The following STAM variants were observed in gnomAD, a reference collection of about 807,000 sequenced individuals.
The protein encoded by STAM is signal transducing adaptor molecule.
STAM carries 16 observed loss-of-function variants against 63.4 expected under a neutral mutation model. That is an observed-to-expected ratio of 0.25 (90% CI 0.17 to 0.38). The LOEUF (loss-of-function observed/expected upper bound fraction) is 0.38, where lower values mean the gene tolerates loss of function less well. Among genes scored for constraint, STAM ranks in the 10% least tolerant of loss-of-function variants. The pLI is 1.00. For missense variants in STAM, 636 were observed against 657.1 expected (o/e 0.97, Z 0.35); for synonymous variants, 238 against 223.9 (o/e 1.06, Z -0.56).
intron 1 of STAM, among the ~76,000 whole-genome samples, chr10:17,645,904 A>G (rs1178668652): frequency 1.3e-5 from 2 of 152,164 alleles, no homozygotes; most frequent in East Asian, 3.8e-4. Context: ...ACCTTTGTCT[A>G]GTTTTCTTGG....
chr10:17,692,193 A>G (rs1835568670), intron 5 of STAM, among the ~76,000 whole-genome samples: 1 of 152,114 alleles, frequency 6.6e-6, no homozygotes, highest in African/African-American at 2.4e-5. Flanking sequence ...TAGATCTGGG[A>G]TTTGAACTCA....
intron 2 of STAM, among the ~76,000 whole-genome samples, chr10:17,669,119 G>A (rs1480215907): frequency 3.9e-5 from 6 of 152,158 alleles, no homozygotes; most frequent in African/African-American, 1.4e-4. Context: ...GCAGTATGAA[G>A]TATGGTTCTA....
At chr10:17,691,532 A>AAATG (rs1835536358) in intron 5 of STAM, among the ~76,000 whole-genome samples, 1 of 152,148 alleles carries the variant, frequency 6.6e-6, no homozygotes, top group African/African-American at 2.4e-5. Context: ...ATAAATAAAT[A>AAATG]AATGCCTGTG....
intron 7 of STAM, among the ~76,000 whole-genome samples, chr10:17,695,489 G>A (rs1424691817): frequency 6.6e-6 from 1 of 151,908 alleles, no homozygotes; most frequent in Non-Finnish European, 1.5e-5. Context: ...TTCATTTTCG[G>A]TTCCACCTAA....
chr10:17,660,491 C>T lies in STAM; in HGVS notation c.68C>T (p.Ala23Val). Residue 23 changes from alanine (A) to valine (V), a missense_variant, in exon 2 of 14, where the codon GCT becomes GTT. Around this residue, in one of 3 missense-constraint regions of STAM, gnomAD observed 87 missense variants for 80.3 expected, o/e 1.08. Transcript: ENST00000377524. The part of the protein sequence containing the change: ...VEKATSEMNT[A>V]EDWGLILDIC... ...AAAGCAACCAGCGAGATGAATACTGCTGAGGACTGGGGCCTCATTTTGGAT... is the reference window on the plus strand; with the variant it reads ...AAAGCAACCAGCGAGATGAATACTGTTGAGGACTGGGGCCTCATTTTGGAT... The T allele has an allele frequency of 1.2e-6, 2 of 1,606,878 alleles. No homozygotes were observed. Among genetic ancestry groups the T allele is most frequent in the Non-Finnish European group, 8.5e-7 (1 of 1,176,486 alleles).
chr10:17,705,398 A>G (rs1173731706), intron 11 of STAM, among the ~76,000 whole-genome samples, 190 bp from the exon 12 acceptor site: 1 of 152,222 alleles, frequency 6.6e-6, no homozygotes, highest in Non-Finnish European at 1.5e-5. Flanking sequence ...CCCTTAGCAC[A>G]GCACGTAAAC....
intron 2 of STAM, among the ~76,000 whole-genome samples, chr10:17,672,391 A>G (rs10904986): frequency 0.16 from 24,410 of 152,158 alleles, 2,110 homozygotes; most frequent in East Asian, 0.27. Context: ...TGACTGTAGA[A>G]TTGAGCTGTA....
At chr10:17,677,644 A>T (rs1411067544) in intron 2 of STAM, among the ~76,000 whole-genome samples, 1 of 152,226 alleles carries the variant, frequency 6.6e-6, no homozygotes, top group Non-Finnish European at 1.5e-5. Flanking sequence ...CAAAAATTTT[A>T]ATCTCTTACA....
At chr10:17,690,149 T>A (rs1300113678) in intron 5 of STAM, among the ~76,000 whole-genome samples, 4 of 152,218 alleles carry the variant, frequency 2.6e-5, no homozygotes, top group Admixed American at 2.0e-4. Context: ...CAGCTCATAG[T>A]TGACAGCTGG....
chr10:17,647,353 A>C (rs1438878007), intron 1 of STAM, among the ~76,000 whole-genome samples: 3 of 152,040 alleles, frequency 2.0e-5, no homozygotes, highest in African/African-American at 4.8e-5. Context: ...TTCCTCTTTG[A>C]TATACAGTAT....
intron 9 of STAM, among the ~76,000 whole-genome samples, chr10:17,703,151 GA>G (rs1456936341): frequency 6.6e-6 from 1 of 151,884 alleles, no homozygotes; most frequent in Non-Finnish European, 1.5e-5. Flanking sequence ...AAACAAAACG[GA>G]AACCATCTGT....
intron 4 of STAM, among the ~76,000 whole-genome samples, 163 bp from the exon 5 acceptor site, chr10:17,687,864 T>G (rs1377778204): frequency 2.6e-5 from 4 of 152,264 alleles, no homozygotes; most frequent in Admixed American, 2.0e-4. Context: ...TTTTTCATAG[T>G]GTGAACATTA....
intron 13 of STAM, among the ~76,000 whole-genome samples, chr10:17,714,055 T>C (rs1554830377): frequency 1.3e-5 from 2 of 152,224 alleles, no homozygotes; most frequent in Non-Finnish European, 2.9e-5. Flanking sequence ...TCTGTTTACC[T>C]GAAATGTACT....
rs185729830 is a variant in STAM, at chr10:17,716,109, C to T, written c.*1329C>T. On this transcript the variant is annotated 3_prime_UTR_variant, in exon 14 of 14. Transcript: ENST00000377524. ...CTGACATTGTAATCTTAAATATTTA[C>T]GATTTCCCTGGTTGGGCTATACTAT... is the stretch of plus-strand genomic sequence containing the variant. 2.9e-4 allele frequency among the ~76,000 whole-genome samples: 44 copies of T among 152,178 alleles called. No homozygotes were observed. Among genetic ancestry groups the T allele is most frequent in the Admixed American group, 2.4e-3 (37 of 15,300 alleles).
In STAM at chr10:17,700,406, C is replaced by G. The variant is rs868923114; in HGVS notation, c.912+127C>G. Reference sequence around the variant, plus strand: ...ATTTTTGTATTTTTTTATAAAAATTCAAGCAATATAGACGATGCAGACTGT... The same window carrying G: ...ATTTTTGTATTTTTTTATAAAAATTGAAGCAATATAGACGATGCAGACTGT... On this transcript the variant is annotated intron_variant, in intron 9 of 13. Coordinates refer to ENST00000377524, the MANE Select transcript of STAM (RefSeq NM_003473.4). 3.1e-5 allele frequency: 21 copies of G among 675,426 alleles called. 1 individual carries two copies. Among genetic ancestry groups the G allele is most frequent in the Non-Finnish European group, 5.0e-5 (21 of 422,014 alleles). 41.8% of individuals were successfully genotyped at this position (675,426 alleles called of 1,614,324 possible).
intron 6 of STAM, 153 bp from the exon 7 acceptor site, chr10:17,694,896 C>G (rs913293023): frequency 4.9e-6 from 3 of 607,790 alleles, no homozygotes; most frequent in Non-Finnish European, 7.8e-6. Flanking sequence ...AATAAACTGA[C>G]AAAATGATTT....
intron 9 of STAM, among the ~76,000 whole-genome samples, chr10:17,703,231 C>G (rs528789565): frequency 4.6e-4 from 69 of 151,076 alleles, no homozygotes; most frequent in Admixed American, 4.0e-3. Context: ...TTGACATGTG[C>G]TTTTGTTTTT....
At chr10:17,697,932 A>T (rs1265646897) in intron 8 of STAM, among the ~76,000 whole-genome samples, 1 of 152,156 alleles carries the variant, frequency 6.6e-6, no homozygotes, top group Non-Finnish European at 1.5e-5. Flanking sequence ...TAAGAATTTT[A>T]AGAAAAAAAA....
chr10:17,688,627 A>C (rs1270956293), intron 5 of STAM, among the ~76,000 whole-genome samples: 4 of 150,198 alleles, frequency 2.7e-5, no homozygotes, highest in Non-Finnish European at 5.9e-5. Context: ...CAGACCTGGA[A>C]ATTTTTTTTT....
Sources: gnomAD v4.1 joint callset for allele counts (sites outside exome capture counted in the v4.1 genomes callset) on GRCh38, gnomAD v4.1.1 for gene constraint, gnomAD v4.1.1 regional missense constraint, MANE v1.5 for transcripts, NCBI Gene and HGNC (gene_info 2026-07-23, HGNC 2026-07-21) for gene names.